The following DMD variants were observed in gnomAD, a reference collection of about 807,000 sequenced individuals.
DMD encodes the protein dystrophin, also known as mutant dystrophin.
A neutral mutation model predicts 330.1 loss-of-function variants in DMD; 63 were observed. That is an observed-to-expected ratio of 0.19 (90% CI 0.16 to 0.24). The LOEUF is 0.24. Among genes scored for constraint, DMD ranks in the 10% least tolerant of loss-of-function variants. DMD has a pLI of 1.00. For missense variants in DMD, 3,344 were observed against 2,684.1 expected (o/e 1.25, Z -5.43); for synonymous variants, 1,223 against 959.8 (o/e 1.27, Z -5.07).
intron 62 of DMD, among the ~76,000 whole-genome samples, chrX:31,288,935 G>C (rs1049224381): frequency 9.0e-6 from 1 of 110,551 alleles, no homozygotes. Flanking sequence ...TATATAACTA[G>C]TATTAACCCT....
At chrX:31,749,033 CAT>C (rs199603439) in intron 51 of DMD, among the ~76,000 whole-genome samples, 2,484 of 111,665 alleles carry the variant, frequency 0.022, 78 homozygotes, top group African/African-American at 0.077. Flanking sequence ...TTTTTTTACA[CAT>C]GAGGAAATAA....
At chrX:32,408,259 G>A (rs996594120) in intron 30 of DMD, among the ~76,000 whole-genome samples, 3 of 111,749 alleles carry the variant, frequency 2.7e-5, no homozygotes, top group African/African-American at 9.8e-5. Flanking sequence ...GTAAGCTCAT[G>A]TCACTAAAAT....
At chrX:32,396,669 A>T (rs2098046630) in intron 30 of DMD, among the ~76,000 whole-genome samples, 1 of 111,412 alleles carries the variant, frequency 9.0e-6, no homozygotes, top group Non-Finnish European at 1.9e-5. Flanking sequence ...TATCAAATAT[A>T]CTTAACATAT....
chrX:31,964,059 C>T (rs1231717545), intron 45 of DMD, among the ~76,000 whole-genome samples: 2 of 111,451 alleles, frequency 1.8e-5, no homozygotes, highest in African/African-American at 6.5e-5. Context: ...CCTGATGTGA[C>T]GTAATACAAA....
intron 11 of DMD, among the ~76,000 whole-genome samples, chrX:32,637,419 G>A (rs747734724): frequency 8.9e-6 from 1 of 111,836 alleles, no homozygotes; most frequent in African/African-American, 3.3e-5. Context: ...TATTAAATCT[G>A]CTCTCTGAGA....
intron 62 of DMD, among the ~76,000 whole-genome samples, chrX:31,311,468 G>T (rs2148182410): frequency 9.0e-6 from 1 of 111,632 alleles, no homozygotes; most frequent in Non-Finnish European, 1.9e-5. Context: ...GGTGGAATAT[G>T]ACTTAGAAAT....
At chrX:31,314,760 G>GAGAGAA (rs1556488765) in intron 62 of DMD, among the ~76,000 whole-genome samples, 3 of 105,656 alleles carry the variant, frequency 2.8e-5, no homozygotes, top group African/African-American at 1.1e-4. Context: ...GAGAGAGAGA[G>GAGAGAA]AGAGAGAGAG....
chrX:31,215,125 T>G (rs899214316), intron 64 of DMD, among the ~76,000 whole-genome samples: 5 of 107,486 alleles, frequency 4.7e-5, no homozygotes, highest in African/African-American at 1.7e-4. Flanking sequence ...GTATTTTTAG[T>G]AGAGATGGGG....
chrX:31,601,558 C>T (rs932809574), intron 55 of DMD, among the ~76,000 whole-genome samples: 4 of 111,438 alleles, frequency 3.6e-5, no homozygotes, highest in Non-Finnish European at 7.5e-5. Flanking sequence ...CATTCTTTTA[C>T]CCTGATTGGG....
At chrX:31,433,376 T>G (rs1449608621) in intron 60 of DMD, among the ~76,000 whole-genome samples, 2 of 111,722 alleles carry the variant, frequency 1.8e-5, no homozygotes, top group African/African-American at 6.5e-5. Flanking sequence ...CACGTCTTTT[T>G]GGTAGAAAAA....
At chrX:31,906,830 C>G (rs1289697736) in intron 47 of DMD, among the ~76,000 whole-genome samples, 1 of 111,763 alleles carries the variant, frequency 8.9e-6, no homozygotes, top group Non-Finnish European at 1.9e-5. Context: ...CTACTTTATG[C>G]TCACATCTAC....
intron 1 of DMD, among the ~76,000 whole-genome samples, chrX:33,209,921 T>C (rs982215215): frequency 1.8e-5 from 2 of 110,305 alleles, no homozygotes; most frequent in African/African-American, 6.6e-5. Context: ...AGAATATATA[T>C]ATATATAAAA....
chrX:32,008,892 T>G (rs1236779688), intron 44 of DMD, among the ~76,000 whole-genome samples: 1 of 111,025 alleles, frequency 9.0e-6, no homozygotes, highest in Non-Finnish European at 1.9e-5. Context: ...GAGGGAAAGT[T>G]GAAAAGTTTG....
At chrX:33,041,171 G>T (rs1453261774) in intron 1 of DMD, among the ~76,000 whole-genome samples, 5 of 113,252 alleles carry the variant, frequency 4.4e-5, no homozygotes, top group East Asian at 2.8e-4. Flanking sequence ...AAATACTACA[G>T]ATGTTAATAT....
At chrX:31,512,878 A>G (rs1294887058) in intron 55 of DMD, among the ~76,000 whole-genome samples, 2 of 108,664 alleles carry the variant, frequency 1.8e-5, no homozygotes, top group African/African-American at 6.8e-5. Context: ...GAAGAAAGGC[A>G]TTGGTAGCTT....
intron 13 of DMD, among the ~76,000 whole-genome samples, chrX:32,580,060 C>A (rs1350546269): frequency 9.2e-6 from 1 of 108,655 alleles, no homozygotes; most frequent in African/African-American, 3.4e-5. Context: ...TCTCCAGCTC[C>A]CACCAGTCTG....
chrX:33,275,848 T>C (rs113942703), intron 1 of DMD, among the ~76,000 whole-genome samples: 1,227 of 111,950 alleles, frequency 0.011, 20 homozygotes, highest in African/African-American at 0.038. Context: ...TGTACTTGCA[T>C]ACACATATAT....
intron 30 of DMD, among the ~76,000 whole-genome samples, chrX:32,392,404 G>T (rs1472013146): frequency 9.0e-6 from 1 of 111,179 alleles, no homozygotes; most frequent in Non-Finnish European, 1.9e-5. Context: ...GATTACAGGT[G>T]CCCACCACCA....
intron 45 of DMD, among the ~76,000 whole-genome samples, chrX:31,947,481 C>T (rs1439745355): frequency 9.0e-6 from 1 of 111,542 alleles, no homozygotes; most frequent in Non-Finnish European, 1.9e-5. Flanking sequence ...ACGATGGGTC[C>T]ATAATTAACA....
Sources: allele counts gnomAD v4.1 joint callset (sites outside exome capture counted in the v4.1 genomes callset), GRCh38; gene constraint gnomAD v4.1.1; transcripts MANE v1.5; gene names NCBI Gene and HGNC (gene_info 2026-07-23, HGNC 2026-07-21).